The following FBXO42 variants were observed in gnomAD, a reference collection of about 807,000 sequenced individuals.
The protein encoded by FBXO42 is F-box protein 42, also known as F-box only protein 42.
In FBXO42, 12 loss-of-function variants were observed where a neutral mutation model predicts 71.7. That is an observed-to-expected ratio of 0.17 (90% CI 0.11 to 0.27). The LOEUF is 0.27. FBXO42 is among the 10% of genes least tolerant of loss of function. The pLI, the probability that FBXO42 is intolerant of heterozygous loss-of-function variation, is 1.00. For missense variants in FBXO42, 707 were observed against 911.9 expected, an observed-to-expected ratio of 0.78 and a Z score of 2.89; for synonymous variants, 325 against 327.5, an observed-to-expected ratio of 0.99 and a Z score of 0.08.
rs1416278103 is a variant in FBXO42, at chr1:16,248,211, C to T, written c.*2459G>A. On this transcript the variant is annotated 3_prime_UTR_variant, in exon 10 of 10. Transcript: ENST00000375592. The stretch of plus-strand genomic sequence containing the variant: ...CCACCGCACAGGTGGCTTCAGGAGG[C>T]CTGAGGAGACAATCACCTTCACTGT... 6.6e-6 allele frequency: 1 copy of T among 152,150 alleles called. No homozygotes were observed. The highest frequency in any genetic ancestry group is 1.5e-5 in the Non-Finnish European group (1 of 68,034). The allele number at this position is 152,150 out of a possible 1,614,324, so 9.4% of individuals were successfully genotyped here.
intron 2 of FBXO42, among the ~76,000 whole-genome samples, chr1:16,311,127 G>A (rs1386784111): frequency 6.4e-5 from 6 of 94,348 alleles, no homozygotes; most frequent in African/African-American, 2.2e-4. Flanking sequence ...GCAATAAGCC[G>A]AGATCGCGCC....
intron 1 of FBXO42, among the ~76,000 whole-genome samples, chr1:16,348,566 G>A (rs1177517416): frequency 1.3e-5 from 2 of 151,918 alleles, no homozygotes; most frequent in African/African-American, 2.4e-5. Flanking sequence ...GCCGGGCGTG[G>A]GGCGGGTGCC....
At chr1:16,268,888 G>A (rs966543157) in intron 4 of FBXO42, among the ~76,000 whole-genome samples, 1 of 150,778 alleles carries the variant, frequency 6.6e-6, no homozygotes. Flanking sequence ...GGGAGGCTGA[G>A]ACAGGAGAAT....
chr1:16,345,566 G>A (rs2082648075), intron 1 of FBXO42, among the ~76,000 whole-genome samples: 1 of 147,682 alleles, frequency 6.8e-6, no homozygotes, highest in South Asian at 2.2e-4. Context: ...AAGACACTGA[G>A]TCGCCAGGCG....
intron 2 of FBXO42, among the ~76,000 whole-genome samples, chr1:16,307,712 A>T (rs1484285437): frequency 6.6e-6 from 1 of 152,196 alleles, no homozygotes; most frequent in African/African-American, 2.4e-5. Flanking sequence ...CCAAAAAATG[A>T]AATACTTAGA....
Position 16,315,173 on chromosome 1 carries a change from G to T in FBXO42, c.246C>A (p.Ile82=). The change falls in exon 2 of 10, where the codon ATC becomes ATA. Residue 82 remains isoleucine, a synonymous_variant. Coordinates refer to ENST00000375592, the MANE Select transcript of FBXO42 (RefSeq NM_018994.3). The part of the protein sequence containing the change: ...ALVCKQWYRL[I]KGVAHQCYHG... ...CCTTTCTCCTATCCACAGTACCTTT[G>T]ATAAGTCGATACCACTGTTTGCAGA... The T allele has an allele frequency of 6.2e-7, 1 of 1,608,540 alleles. No individual in the cohort carries two copies. Among genetic ancestry groups the T allele is most frequent in the South Asian group, 1.1e-5 (1 of 90,760 alleles).
intron 3 of FBXO42, among the ~76,000 whole-genome samples, chr1:16,300,482 T>C (rs1463955194): frequency 6.6e-6 from 1 of 152,218 alleles, no homozygotes; most frequent in African/African-American, 2.4e-5. Context: ...CAATAAATGC[T>C]CACTAAATGA....
At chr1:16,274,410 C>A (rs543469834) in intron 4 of FBXO42, among the ~76,000 whole-genome samples, 1 of 151,794 alleles carries the variant, frequency 6.6e-6, no homozygotes. Context: ...GTTGTACAGA[C>A]AGGAAAGGGG....
chr1:16,276,317 T>C (rs2081902325), intron 4 of FBXO42, among the ~76,000 whole-genome samples: 2 of 149,586 alleles, frequency 1.3e-5, no homozygotes, highest in Admixed American at 6.7e-5. Context: ...GAGGCAGAGC[T>C]TGCAGTAAGC....
chr1:16,254,340 C>T (rs549139688), intron 6 of FBXO42, among the ~76,000 whole-genome samples: 6 of 152,256 alleles, frequency 3.9e-5, no homozygotes, highest in African/African-American at 9.6e-5. Flanking sequence ...AGAGAAAAAA[C>T]GATTCAAAAG....
chr1:16,320,556 T>A (rs554847695), intron 1 of FBXO42, among the ~76,000 whole-genome samples: 6 of 151,972 alleles, frequency 3.9e-5, no homozygotes, highest in African/African-American at 1.4e-4. Context: ...CAGGCTGGAG[T>A]GAAGTGGCAC....
intron 1 of FBXO42, among the ~76,000 whole-genome samples, chr1:16,351,558 T>C (rs1222496393): frequency 6.6e-6 from 1 of 152,094 alleles, no homozygotes; most frequent in Non-Finnish European, 1.5e-5. Flanking sequence ...TCAAACGAAC[T>C]CAGCGCTGAA....
chr1:16,302,912 G>A (rs2082211045), intron 3 of FBXO42, among the ~76,000 whole-genome samples: 2 of 152,238 alleles, frequency 1.3e-5, no homozygotes, highest in Admixed American at 1.3e-4. Context: ...CTCCCACCAG[G>A]TCACTCCCTT....
chr1:16,261,341 AG>A (rs900482289), intron 4 of FBXO42, among the ~76,000 whole-genome samples: 1 of 152,206 alleles, frequency 6.6e-6, no homozygotes, highest in African/African-American at 2.4e-5. Context: ...GAGATCCTCT[AG>A]GATTATCTTA....
chr1:16,350,752 AAAAAAAAAG>A (rs1557612285), intron 1 of FBXO42, among the ~76,000 whole-genome samples: 3 of 131,674 alleles, frequency 2.3e-5, no homozygotes, highest in Non-Finnish European at 3.5e-5. Flanking sequence ...GCAAAAAAAA[AAAAAAAAAG>A]AAAGAAAGAA....
intron 1 of FBXO42, among the ~76,000 whole-genome samples, chr1:16,339,253 A>G (rs1169826040): frequency 6.6e-6 from 1 of 152,142 alleles, no homozygotes; most frequent in African/African-American, 2.4e-5. Flanking sequence ...TCATTTCCAG[A>G]AGTCCATCTA....
At chr1:16,289,520 A>G (rs1180518574) in intron 4 of FBXO42, among the ~76,000 whole-genome samples, 1 of 151,184 alleles carries the variant, frequency 6.6e-6, no homozygotes, top group Non-Finnish European at 1.5e-5. Flanking sequence ...CTTTATCTCA[A>G]CTCCCCCTGT....
chr1:16,348,829 C>T (rs1373999042), intron 1 of FBXO42, among the ~76,000 whole-genome samples: 2 of 152,130 alleles, frequency 1.3e-5, no homozygotes, highest in Non-Finnish European at 2.9e-5. Flanking sequence ...TAATAACCAC[C>T]TATAATCAAC....
intron 1 of FBXO42, among the ~76,000 whole-genome samples, chr1:16,316,343 T>C (rs1004990862): frequency 1.4e-4 from 22 of 152,134 alleles, no homozygotes; most frequent in Non-Finnish European, 1.5e-5. Flanking sequence ...CTTTTGTTAC[T>C]GTTTTCACAT....
Sources: allele counts gnomAD v4.1 joint callset (sites outside exome capture counted in the v4.1 genomes callset), GRCh38; gene constraint gnomAD v4.1.1; transcripts MANE v1.5; gene names NCBI Gene and HGNC (gene_info 2026-07-23, HGNC 2026-07-21).